Variants in SERPINB4 observed in about 807,000 individuals in gnomAD.
SERPINB4 encodes the protein serpin family B member 4.
In SERPINB4, 39 loss-of-function variants were observed where a neutral mutation model predicts 33.2. That is an observed-to-expected ratio of 1.18 (90% CI 0.91 to 1.53). The LOEUF (loss-of-function observed/expected upper bound fraction) is 1.53, where lower values mean the gene tolerates loss of function less well. Among genes scored for constraint, SERPINB4 ranks in the 40% most tolerant of loss-of-function variants. SERPINB4 has a pLI of 0.00. For missense variants in SERPINB4, 564 were observed against 455.4 expected (o/e 1.24, Z -2.17); for synonymous variants, 191 against 166.4 (o/e 1.15, Z -1.14).
intron 5 of SERPINB4, 65 bp downstream of exon 5, chr18:63,640,809 G>A: frequency 7.2e-7 from 1 of 1,396,894 alleles, no homozygotes; most frequent in Non-Finnish European, 1.0e-6. Flanking sequence ...CCCATGCAGT[G>A]TCAAGCACAA....
At chr18:63,640,433 G>C (rs1254329350) in intron 5 of SERPINB4, among the ~76,000 whole-genome samples, 1 of 152,034 alleles carries the variant, frequency 6.6e-6, no homozygotes, top group Non-Finnish European at 1.5e-5. Flanking sequence ...ATGTGATCCA[G>C]GCAGCTCCAG....
At chr18:63,641,049 C>A (rs1913113500) in intron 4 of SERPINB4, 58 bp from the exon 5 acceptor site, 6 of 1,402,110 alleles carry the variant, frequency 4.3e-6, no homozygotes, top group Non-Finnish European at 6.0e-6. Flanking sequence ...CTATATATTA[C>A]CAAACTTACT....
At chr18:63,641,463 G>A (rs1429897197) in intron 4 of SERPINB4, among the ~76,000 whole-genome samples, 6 of 152,004 alleles carry the variant, frequency 3.9e-5, no homozygotes, top group Non-Finnish European at 8.8e-5. Flanking sequence ...TATCGTATGT[G>A]ACTGAGTCAG....
rs1474391669 is a variant in SERPINB4 at position 63,641,783 on chromosome 18, C to T, written c.328G>A (p.Glu110Lys). 1 of 1,613,242 alleles carries T rather than the reference C, an allele frequency of 6.2e-7. No individual in the cohort carries two copies. The highest frequency in any genetic ancestry group is 1.3e-5 in the African/African-American group (1 of 74,868). Residue 110 changes from glutamate to lysine, a missense_variant, in exon 4 of 8, where the codon GAA (glutamate) becomes AAA (lysine). Transcript: ENST00000341074. Reference protein sequence around the residue: ...ELKIANKLFGEKTYQFLQEYL... With the variant: ...ELKIANKLFGKKTYQFLQEYL... ...ACCTGTAAAAATTGATACGTCTTTT[C>T]TCCGAAGAGCTTGTTGGCGATCTTC... is the stretch of plus-strand genomic sequence containing the variant.
chr18:63,639,273 A>G lies in SERPINB4; in HGVS notation c.680T>C (p.Val227Ala), dbSNP rs1913043175. 3 of 1,612,790 alleles carry G rather than the reference A, an allele frequency of 1.9e-6. No homozygotes were observed. The highest frequency in any genetic ancestry group is 3.3e-4 in the Middle Eastern group (2 of 6,048). Reference sequence around the variant, plus strand: ...TGGTATTTCCAGGACCTTGGCCTGTACATCCTCCAGCAAGGCAAAATTAAA... The same window carrying G: ...TGGTATTTCCAGGACCTTGGCCTGTGCATCCTCCAGCAAGGCAAAATTAAA... ...NSFNFALLEDVQAKVLEIPYK... is the reference protein window; with the variant it reads ...NSFNFALLEDAQAKVLEIPYK... Residue 227 changes from valine (V) to alanine (A), a missense_variant, in exon 7 of 8, where the codon GTA becomes GCA. Transcript: ENST00000341074.
At chr18:63,643,709 C>T (rs1240013551) in intron 1 of SERPINB4, 106 bp from the exon 2 acceptor site, 1 of 1,274,378 alleles carries the variant, frequency 7.8e-7, no homozygotes, top group African/African-American at 1.5e-5. Flanking sequence ...GAGATTTTGA[C>T]ATTTAAAGTT....
In SERPINB4 at chr18:63,639,669, C is replaced by G. The variant is rs2144466843; in HGVS notation, c.577G>C (p.Glu193Gln). The G allele has an allele frequency of 6.2e-7, 1 of 1,610,582 alleles. No homozygotes were observed. Among genetic ancestry groups the G allele is most frequent in the Non-Finnish European group, 8.5e-7 (1 of 1,177,576 alleles). Reference sequence around the variant, plus strand: ...CAAAATTTTTCCTCTTTAGTGTTTTCTTTTTTAAATTTATTCTCCCACTGC... The same window carrying G: ...CAAAATTTTTCCTCTTTAGTGTTTTGTTTTTTAAATTTATTCTCCCACTGC... ...KGQWENKFKK[E>Q]NTKEEKFWPN... is the part of the protein sequence containing the mutation. Residue 193 changes from glutamate to glutamine, a missense_variant, in exon 6 of 8, where the codon GAA becomes CAA. By Grantham distance (29) the Glu-to-Gln change is conservative. Coordinates refer to ENST00000341074, the MANE Select transcript of SERPINB4 (RefSeq NM_002974.4).
Position 63,641,696 on chromosome 18 carries a change from T to C in SERPINB4, c.351+64A>G, listed in dbSNP as rs554308988. 3.7e-6 allele frequency: 6 copies of C among 1,611,330 alleles called. No individual in the cohort carries two copies. In the African/African-American group the frequency reaches 6.7e-5, roughly 18 times the overall value. On this transcript the variant is annotated intron_variant, in intron 4 of 7. Transcript: ENST00000341074. ...GCTCATCTGCCTTGCTTTCTTCCAT[T>C]TGGCCACTCAGAGACACAGACATCA...
rs759137963 is a variant in SERPINB4 at position 63,639,232 on chromosome 18, G to C, written c.721C>G (p.Leu241Val). 20 of 1,612,774 alleles carry C rather than the reference G, an allele frequency of 1.2e-5. No individual in the cohort carries two copies. The highest frequency in any genetic ancestry group is 1.7e-5 in the Non-Finnish European group (20 of 1,179,188). ...TTTGGCAGCAGCACAATCATGCTTA[G>C]ATCTTTGCCTTTGTATGGTATTTCC... is the stretch of plus-strand genomic sequence containing the variant. The part of the protein sequence containing the change: ...VLEIPYKGKD[L>V]SMIVLLPNEI... Residue 241 changes from leucine (L) to valine (V), a missense_variant, in exon 7 of 8, where the codon CTA becomes GTA. Transcript: ENST00000341074.
At position 63,639,722 on chromosome 18, in the gene SERPINB4, A is replaced by T. The variant is rs1289458922; in HGVS notation, c.524T>A (p.Val175Asp). 1.9e-6 allele frequency: 3 copies of T among 1,611,824 alleles called. No homozygotes were observed. Among genetic ancestry groups the T allele is most frequent in the Non-Finnish European group, 2.5e-6 (3 of 1,178,384 alleles). The change falls in exon 6 of 8, where the codon GTT becomes GAT. Residue 175 changes from valine to aspartate, a missense_variant. Coordinates refer to ENST00000341074, the MANE Select transcript of SERPINB4 (RefSeq NM_002974.4). ...DGTIGNDTTL[V>D]LVNAIYFKGQ... ...TTTGAAATAGATTGCGTTCACAAGA[A>T]CCAGTGTCGTATCATTGCCAATAGT...
Position 63,643,728 on chromosome 18 carries a change from AT to A in SERPINB4, c.-26-126del, listed in dbSNP as rs1913220489. 6 of 1,045,566 alleles carry A rather than the reference AT, an allele frequency of 5.7e-6. No homozygotes were observed. The South Asian group carries it at 8.2e-5, about 14-fold the overall frequency. 64.8% of individuals were successfully genotyped at this position (1,045,566 alleles called of 1,614,324 possible). A position where few individuals can be genotyped will look rare whatever the true frequency, so the allele number is the denominator to read the frequency against. ...TTTTGACATTTAAAGTTTTTCTCTT[AT>A]TTTTAACGCTTCAATCTTTCTACAA... is the stretch of plus-strand genomic sequence containing the variant. On this transcript the variant is annotated intron_variant, in intron 1 of 7. Transcript: ENST00000341074.
At position 63,637,622 on chromosome 18, in the gene SERPINB4, G is replaced by C. The variant is rs187260193; in HGVS notation, c.*97C>G. On this transcript the variant is annotated 3_prime_UTR_variant, in exon 8 of 8. Coordinates refer to ENST00000341074, the MANE Select transcript of SERPINB4 (RefSeq NM_002974.4). ...ATCATCATCAAGATGAGATAGAAAA[G>C]AAATATGAGCCAAGAGAATCTGTTG... 1 of 1,278,922 alleles carries C rather than the reference G, an allele frequency of 7.8e-7. No homozygotes were observed. Among genetic ancestry groups the C allele is most frequent in the Non-Finnish European group, 1.1e-6 (1 of 928,668 alleles). 79.2% of individuals were successfully genotyped at this position (1,278,922 alleles called of 1,614,324 possible).
chr18:63,638,750 G>A (rs1157399775), intron 7 of SERPINB4, among the ~76,000 whole-genome samples: 2 of 141,654 alleles, frequency 1.4e-5, no homozygotes, highest in Non-Finnish European at 3.0e-5. Flanking sequence ...ATCATAGATG[G>A]GAATTGAACA....
Position 63,637,971 on chromosome 18 carries a change from G to A in SERPINB4, c.921C>T (p.Ile307=), listed in dbSNP as rs759470875. 2 of 1,613,608 alleles carry A rather than the reference G, an allele frequency of 1.2e-6. No individual in the cohort carries two copies. Among genetic ancestry groups the A allele is most frequent in the South Asian group, 1.1e-5 (1 of 91,066 alleles). Residue 307 remains isoleucine, a synonymous_variant, in exon 8 of 8, where the codon ATC becomes ATT. Transcript: ENST00000341074. The part of the protein sequence containing the change: ...DTLRTMGMVN[I]FNGDADLSGM... ...CTGAGAGGTCTGCATCCCCATTGAA[G>A]ATATTCACCATTCCCATGGTTCTCA...
Position 63,637,416 on chromosome 18 carries a change from C to T in SERPINB4, c.*303G>A. On this transcript the variant is annotated 3_prime_UTR_variant, in exon 8 of 8. Coordinates refer to ENST00000341074, the MANE Select transcript of SERPINB4 (RefSeq NM_002974.4). ...ATGATTTGGTTTGGTTCATTTAAAACAGGTCAGAAACAGAATTATATTTCA... is the reference window on the plus strand; with the variant it reads ...ATGATTTGGTTTGGTTCATTTAAAATAGGTCAGAAACAGAATTATATTTCA... 4.1e-6 allele frequency: 1 copy of T among 242,810 alleles called. No individual in the cohort carries two copies. Among genetic ancestry groups the T allele is most frequent in the East Asian group, 7.9e-5 (1 of 12,652 alleles). 15.0% of individuals were successfully genotyped at this position (242,810 alleles called of 1,614,324 possible). A position where few individuals can be genotyped will look rare whatever the true frequency, so the allele number is the denominator to read the frequency against.
Position 63,643,408 on chromosome 18 carries a change from G to T in SERPINB4, c.165+5C>A, listed in dbSNP as rs576227803. On this transcript the variant is annotated splice_donor_5th_base_variant and intron_variant, in intron 2 of 7. Transcript: ENST00000341074. Reference sequence around the variant, plus strand: ...ACAGGACAACGTAATGATGCTGATAGCTACCTTGCTAATTTGTTGTGCAGT... The same window carrying T: ...ACAGGACAACGTAATGATGCTGATATCTACCTTGCTAATTTGTTGTGCAGT... 1 of 1,613,620 alleles carries T rather than the reference G, an allele frequency of 6.2e-7. No homozygotes were observed. The highest frequency in any genetic ancestry group is 8.5e-7 in the Non-Finnish European group (1 of 1,179,676).
intron 6 of SERPINB4, 86 bp from the exon 7 acceptor site, chr18:63,639,426 T>C: frequency 5.3e-6 from 7 of 1,324,450 alleles, no homozygotes; most frequent in Non-Finnish European, 7.2e-6. Context: ...CACATCCTTC[T>C]TCTTCTAAGA....
At position 63,643,200 on chromosome 18, in the gene SERPINB4, T is replaced by C. The variant is rs564224159; in HGVS notation, c.183A>G (p.Gln61=). 3.7e-6 allele frequency: 6 copies of C among 1,613,432 alleles called. No homozygotes were observed. In the South Asian group the frequency reaches 4.4e-5, roughly 12 times the overall value. The change falls in exon 3 of 8, where the codon CAA becomes CAG. Residue 61 remains glutamine, a synonymous_variant. Coordinates refer to ENST00000341074, the MANE Select transcript of SERPINB4 (RefSeq NM_002974.4). ...CTTTTTCTGTGGTGTTCTCTGTGAC[T>C]TGATCAAAGTGAAGAACCTGGAAGA... ...QQISKVLHFD[Q]VTENTTEKAA... is the part of the protein sequence containing the mutation.
chr18:63,640,979 C>T lies in SERPINB4; in HGVS notation c.364G>A (p.Ala122Thr). 1 of 1,612,074 alleles carries T rather than the reference C, an allele frequency of 6.2e-7. No individual in the cohort carries two copies. ...CTGGTCTGGTAAAATTTCTTGATGGCATCTAAATATTCCTTTGAGATATGA... is the reference window on the plus strand; with the variant it reads ...CTGGTCTGGTAAAATTTCTTGATGGTATCTAAATATTCCTTTGAGATATGA... ...TYQFLQEYLDAIKKFYQTSVE... is the reference protein window; with the variant it reads ...TYQFLQEYLDTIKKFYQTSVE... The change falls in exon 5 of 8, where the codon GCC becomes ACC. Residue 122 changes from alanine to threonine, a missense_variant. Ala to Thr is a moderately conservative substitution (Grantham distance 58, BLOSUM62 0). Coordinates refer to ENST00000341074, the MANE Select transcript of SERPINB4 (RefSeq NM_002974.4).
Sources: allele counts gnomAD v4.1 joint callset (sites outside exome capture counted in the v4.1 genomes callset), GRCh38; gene constraint gnomAD v4.1.1; transcripts MANE v1.5; gene names NCBI Gene and HGNC (gene_info 2026-07-23, HGNC 2026-07-21).